NAV2: variants seen among roughly 807,000 people sequenced by gnomAD.
NAV2 encodes the protein neuron navigator 2, also known as helicase, APC down-regulated 1.
A neutral mutation model predicts 223.2 loss-of-function variants in NAV2; 54 were observed. The observed-to-expected ratio is 0.24, with a 90% CI of 0.19 to 0.30. The LOEUF (loss-of-function observed/expected upper bound fraction) is 0.30, where lower values mean the gene tolerates loss of function less well. NAV2 is among the 10% of genes least tolerant of loss of function. The pLI is 1.00. For missense variants in NAV2, 2,806 were observed against 3,147.5 expected (o/e 0.89, Z 2.60); for synonymous variants, 1,279 against 1,239.3 (o/e 1.03, Z -0.67).
chr11:19,466,188 G>A (rs564391874), intron 1 of NAV2, among the ~76,000 whole-genome samples: 159 of 152,304 alleles, frequency 1.0e-3, no homozygotes, highest in African/African-American at 3.8e-3. Context: ...TAAAAGCCTT[G>A]TCTCTGTGTT....
At chr11:19,700,804 G>A (rs1565178569) in intron 1 of NAV2, among the ~76,000 whole-genome samples, 1 of 152,192 alleles carries the variant, frequency 6.6e-6, no homozygotes, top group Non-Finnish European at 1.5e-5. Flanking sequence ...ATGTGGTTAT[G>A]TAATTACAAT....
chr11:19,842,824 G>A, intron 2 of NAV2, 47 bp from the exon 3 acceptor site: 1 of 1,591,998 alleles, frequency 6.3e-7, no homozygotes. Context: ...ACTACTGAAA[G>A]TGTCTCTCTG....
intron 1 of NAV2, among the ~76,000 whole-genome samples, chr11:19,675,208 C>T (rs367680761): frequency 6.6e-6 from 1 of 152,198 alleles, no homozygotes; most frequent in Non-Finnish European, 1.5e-5. Context: ...CTAGCTCTCC[C>T]TGACTCTACG....
chr11:19,922,100 C>T (rs560203980), intron 6 of NAV2, among the ~76,000 whole-genome samples: 2 of 152,296 alleles, frequency 1.3e-5, no homozygotes, highest in Non-Finnish European at 2.9e-5. Context: ...CTGACCTCAC[C>T]CTCTTCAACT....
At chr11:19,517,096 G>C (rs538385699) in intron 1 of NAV2, among the ~76,000 whole-genome samples, 2 of 152,172 alleles carry the variant, frequency 1.3e-5, no homozygotes, top group South Asian at 4.2e-4. Flanking sequence ...GAAGAGAAAG[G>C]ATGTGGATTG....
chr11:20,014,809 G>A (rs1009996786), intron 11 of NAV2, among the ~76,000 whole-genome samples: 1 of 152,170 alleles, frequency 6.6e-6, no homozygotes. Context: ...GGCTGAGGCA[G>A]GAGACTCACT....
chr11:19,691,117 T>G (rs1211095477), intron 1 of NAV2, among the ~76,000 whole-genome samples: 1 of 152,208 alleles, frequency 6.6e-6, no homozygotes, highest in African/African-American at 2.4e-5. Flanking sequence ...TCTGCATTCT[T>G]GACAAACTCC....
chr11:19,954,315 G>A (rs1195642245), intron 10 of NAV2, among the ~76,000 whole-genome samples: 1 of 152,154 alleles, frequency 6.6e-6, no homozygotes, highest in Non-Finnish European at 1.5e-5. Flanking sequence ...TCCCTCCTTG[G>A]TGGCAGGAAT....
intron 26 of NAV2, among the ~76,000 whole-genome samples, chr11:20,086,989 G>A (rs1253410063): frequency 6.6e-6 from 1 of 152,164 alleles, no homozygotes; most frequent in Non-Finnish European, 1.5e-5. Flanking sequence ...TGGGCAACTG[G>A]AAGAGTTCTC....
chr11:19,601,076 T>C (rs1441281447), intron 1 of NAV2, among the ~76,000 whole-genome samples: 1 of 152,222 alleles, frequency 6.6e-6, no homozygotes, highest in Non-Finnish European at 1.5e-5. Flanking sequence ...TGAATTCTGC[T>C]ATCTGTCATC....
At chr11:20,037,506 C>T (rs987087408) in intron 12 of NAV2, among the ~76,000 whole-genome samples, 1 of 152,156 alleles carries the variant, frequency 6.6e-6, no homozygotes, top group Non-Finnish European at 1.5e-5. Flanking sequence ...TCATTTGAGC[C>T]AGACTTTCTG....
At chr11:19,868,843 G>T in intron 3 of NAV2, 82 bp from the exon 4 acceptor site, 3 of 1,390,590 alleles carry the variant, frequency 2.2e-6, no homozygotes, top group Non-Finnish European at 3.0e-6. Context: ...ACAGCATTCT[G>T]TTTTCCCATT....
intron 1 of NAV2, among the ~76,000 whole-genome samples, chr11:19,744,319 C>T (rs2053143817): frequency 6.6e-6 from 1 of 152,158 alleles, no homozygotes; most frequent in African/African-American, 2.4e-5. Flanking sequence ...GCACACTTTG[C>T]CAGAGACCCA....
chr11:19,848,468 CTT>C (rs2060929876), intron 3 of NAV2, among the ~76,000 whole-genome samples: 1 of 152,206 alleles, frequency 6.6e-6, no homozygotes, highest in Non-Finnish European at 1.5e-5. Flanking sequence ...TCCTCAGTCT[CTT>C]TTCTGTGAAG....
chr11:20,070,019 C>T (rs1227049693), intron 22 of NAV2, among the ~76,000 whole-genome samples: 2 of 151,974 alleles, frequency 1.3e-5, no homozygotes, highest in East Asian at 1.9e-4. Flanking sequence ...TTTTAAAAAC[C>T]CTAACGTAGG....
At chr11:19,698,595 G>A (rs761830435) in intron 1 of NAV2, among the ~76,000 whole-genome samples, 29 of 152,312 alleles carry the variant, frequency 1.9e-4, no homozygotes, top group Middle Eastern at 3.4e-3. Flanking sequence ...GCTTGGCCAC[G>A]GCCACCCATA....
rs775132221 is a variant in NAV2 at position 20,082,988 on chromosome 11, G to A, written c.5326-19G>A. On this transcript the variant is annotated intron_variant, in intron 25 of 37. Transcript: ENST00000349880. Reference sequence around the variant, plus strand: ...CATTGGTTGCCCCCGCTGTGAGACTGACAGTCTTGTATATTCAGTTACGCA... The same window carrying A: ...CATTGGTTGCCCCCGCTGTGAGACTAACAGTCTTGTATATTCAGTTACGCA... The A allele has an allele frequency of 3.3e-5, 53 of 1,603,000 alleles. No individual in the cohort carries two copies. The East Asian group carries it at 1.2e-3, about 35-fold the overall frequency.
At chr11:19,885,698 T>G (rs936406982) in intron 5 of NAV2, among the ~76,000 whole-genome samples, 8 of 152,196 alleles carry the variant, frequency 5.3e-5, no homozygotes, top group African/African-American at 1.9e-4. Context: ...TTTATTTGCT[T>G]TTTGGCTTTG....
At chr11:19,641,338 C>A (rs35095443) in intron 1 of NAV2, among the ~76,000 whole-genome samples, 11,191 of 152,128 alleles carry the variant, frequency 0.074, 985 homozygotes, top group African/African-American at 0.2. Flanking sequence ...AATAAGTCTT[C>A]AACCTATCCA....
Sources: allele counts gnomAD v4.1 joint callset (sites outside exome capture counted in the v4.1 genomes callset), GRCh38; gene constraint gnomAD v4.1.1; transcripts MANE v1.5; gene names NCBI Gene and HGNC (gene_info 2026-07-23, HGNC 2026-07-21).